CCDC85A: variants seen among roughly 807,000 people sequenced by gnomAD.
CCDC85A encodes coiled-coil domain-containing protein 85A.
CCDC85A carries 38 observed loss-of-function variants against 50.2 expected under a neutral mutation model. The observed-to-expected ratio is 0.76, with a 90% CI of 0.58 to 0.99. CCDC85A has a LOEUF of 0.99. Ranked by LOEUF, CCDC85A falls within the 50% of genes least tolerant of loss-of-function variation. CCDC85A has a pLI of 0.00. For synonymous variants in CCDC85A, 366 were observed against 301.4 expected (o/e 1.21, Z -2.22); for missense variants, 820 against 742.0 (o/e 1.11, Z -1.22).
intron 2 of CCDC85A, among the ~76,000 whole-genome samples, chr2:56,212,071 T>G (rs1677203490): frequency 6.6e-6 from 1 of 152,056 alleles, no homozygotes; most frequent in Non-Finnish European, 1.5e-5. Context: ...CCATATCCTC[T>G]AACACACTCA....
intron 2 of CCDC85A, among the ~76,000 whole-genome samples, chr2:56,332,626 TCTCA>T (rs998108767): frequency 3.9e-5 from 6 of 151,990 alleles, no homozygotes; most frequent in Non-Finnish European, 5.9e-5. Flanking sequence ...TTTTTCTGTC[TCTCA>T]CTGTCTGTCT....
intron 2 of CCDC85A, among the ~76,000 whole-genome samples, chr2:56,239,076 C>T (rs12713316): frequency 0.2 from 29,833 of 151,790 alleles, 3,083 homozygotes; most frequent in East Asian, 0.28. Context: ...AGACAGGTTT[C>T]CTCTCCCAAG....
chr2:56,187,385 G>T (rs1203571634), intron 1 of CCDC85A, among the ~76,000 whole-genome samples: 1 of 152,204 alleles, frequency 6.6e-6, no homozygotes, highest in Non-Finnish European at 1.5e-5. Context: ...GGAGATGGCA[G>T]CATCAGTTCT....
At chr2:56,239,093 G>A (rs980974444) in intron 2 of CCDC85A, among the ~76,000 whole-genome samples, 2 of 152,042 alleles carry the variant, frequency 1.3e-5, no homozygotes, top group African/African-American at 4.8e-5. Context: ...CAAGTGCACT[G>A]AAATTTAAAA....
At chr2:56,327,552 G>A (rs1384274557) in intron 2 of CCDC85A, among the ~76,000 whole-genome samples, 1 of 152,092 alleles carries the variant, frequency 6.6e-6, no homozygotes, top group Non-Finnish European at 1.5e-5. Context: ...CAGTATGGTT[G>A]TTACATTTAA....
At chr2:56,290,022 T>C (rs952663877) in intron 2 of CCDC85A, among the ~76,000 whole-genome samples, 1 of 152,182 alleles carries the variant, frequency 6.6e-6, no homozygotes. Flanking sequence ...AGCCAGACCC[T>C]CATTTCCTGC....
At chr2:56,314,840 A>G (rs1672850525) in intron 2 of CCDC85A, among the ~76,000 whole-genome samples, 1 of 152,126 alleles carries the variant, frequency 6.6e-6, no homozygotes, top group Non-Finnish European at 1.5e-5. Context: ...GAGTTATAGT[A>G]TAGACGCTAC....
intron 2 of CCDC85A, among the ~76,000 whole-genome samples, chr2:56,292,508 C>T (rs933391582): frequency 3.3e-5 from 5 of 152,182 alleles, no homozygotes; most frequent in African/African-American, 1.2e-4. Flanking sequence ...ACAACCCTCT[C>T]TCAGTCTCCT....
intron 1 of CCDC85A, among the ~76,000 whole-genome samples, chr2:56,185,309 C>G (rs1355910254): frequency 6.6e-6 from 1 of 152,188 alleles, no homozygotes; most frequent in African/African-American, 2.4e-5. Flanking sequence ...AATGCGGCTG[C>G]TCTGGGCCAG....
intron 2 of CCDC85A, among the ~76,000 whole-genome samples, chr2:56,219,723 A>C (rs1299488179): frequency 1.3e-5 from 2 of 151,932 alleles, no homozygotes; most frequent in African/African-American, 4.8e-5. Flanking sequence ...CACTTGAATA[A>C]TATCTTAACT....
At chr2:56,323,609 C>T (rs1231272522) in intron 2 of CCDC85A, among the ~76,000 whole-genome samples, 1 of 152,060 alleles carries the variant, frequency 6.6e-6, no homozygotes, top group Non-Finnish European at 1.5e-5. Flanking sequence ...GGCTGAGCTT[C>T]TGAAACCTCC....
At chr2:56,375,712 A>G (rs1676300819) in intron 4 of CCDC85A, 104 bp from the exon 5 acceptor site, 2 of 1,243,596 alleles carry the variant, frequency 1.6e-6, no homozygotes, top group South Asian at 1.3e-5. Context: ...AAAAGTAACA[A>G]AATGGCTAAT....
At chr2:56,280,579 A>G (rs1348837586) in intron 2 of CCDC85A, among the ~76,000 whole-genome samples, 4 of 152,156 alleles carry the variant, frequency 2.6e-5, no homozygotes, top group African/African-American at 9.7e-5. Flanking sequence ...ATAACACATC[A>G]AATCCAACAC....
intron 3 of CCDC85A, among the ~76,000 whole-genome samples, chr2:56,360,182 C>A (rs976297506): frequency 6.6e-6 from 1 of 152,184 alleles, no homozygotes; most frequent in Non-Finnish European, 1.5e-5. Flanking sequence ...TAACCAAATG[C>A]ATTCACAATG....
intron 2 of CCDC85A, among the ~76,000 whole-genome samples, chr2:56,262,932 C>A (rs1558612221): frequency 1.3e-5 from 2 of 152,110 alleles, no homozygotes; most frequent in African/African-American, 4.8e-5. Flanking sequence ...ACTACAGCTT[C>A]AATTCCATTG....
chr2:56,258,865 C>T (rs1293901595), intron 2 of CCDC85A, among the ~76,000 whole-genome samples: 1 of 152,174 alleles, frequency 6.6e-6, no homozygotes, highest in Non-Finnish European at 1.5e-5. Flanking sequence ...AGTTGGATTT[C>T]TTCAATCTTC....
Position 56,203,060 on chromosome 2 carries a change from G to A in CCDC85A, c.1240+9620G>A, listed in dbSNP as rs142523588. Among the ~76,000 whole-genome samples, 587 of 152,298 alleles carry A rather than the reference G, an allele frequency of 3.9e-3. 2 individuals carry two copies. The highest frequency in any genetic ancestry group is 5.0e-3 in the Non-Finnish European group (342 of 68,022). On this transcript the variant is annotated intron_variant, in intron 2 of 5. Coordinates refer to ENST00000407595, the MANE Select transcript of CCDC85A (RefSeq NM_001080433.2). The stretch of plus-strand genomic sequence containing the variant: ...TGAAGAATTTAAAGGAATCTGTTTG[G>A]TTGTGTGTGTTGTTAATGGTCTTAT...
At chr2:56,277,942 A>C (rs1671034043) in intron 2 of CCDC85A, among the ~76,000 whole-genome samples, 1 of 152,224 alleles carries the variant, frequency 6.6e-6, no homozygotes, top group Non-Finnish European at 1.5e-5. Context: ...ATGCATGGAA[A>C]GCAACAGAGG....
chr2:56,294,571 T>G (rs1373145030), intron 2 of CCDC85A, among the ~76,000 whole-genome samples: 1 of 152,252 alleles, frequency 6.6e-6, no homozygotes, highest in African/African-American at 2.4e-5. Flanking sequence ...GTTTATTTCC[T>G]TGTCCATCTC....
Sources: gnomAD v4.1 joint callset for allele counts (sites outside exome capture counted in the v4.1 genomes callset) on GRCh38, gnomAD v4.1.1 for gene constraint, MANE v1.5 for transcripts, NCBI Gene and HGNC (gene_info 2026-07-23, HGNC 2026-07-21) for gene names.